The following TNFRSF10A variants were observed in gnomAD, a reference collection of about 807,000 sequenced individuals.
TNFRSF10A encodes TNF receptor superfamily member 10a, also known as tumor necrosis factor receptor superfamily member 10A.
In TNFRSF10A, 44 loss-of-function variants were observed where a neutral mutation model predicts 42.8. The ratio of observed to expected loss-of-function variants is 1.03; its 90% CI spans 0.81 to 1.32. TNFRSF10A has a LOEUF of 1.32. TNFRSF10A is among the 40% of genes most tolerant of loss of function. TNFRSF10A has a pLI of 0.00. For missense variants in TNFRSF10A, 680 were observed against 602.0 expected, an observed-to-expected ratio of 1.13 and a Z score of -1.36; for synonymous variants, 259 against 234.2, an observed-to-expected ratio of 1.11 and a Z score of -0.97.
rs376002634 is a variant in TNFRSF10A at position 23,192,030 on chromosome 8, A to C, written c.1088-17T>G. ...GCATCAGAGCTGGGTGGAGAAAGCC[A>C]CAGAGACAGCCAGATGAGTTGGGAC... is the stretch of plus-strand genomic sequence containing the variant. On this transcript the variant is annotated splice_polypyrimidine_tract_variant and intron_variant, in intron 9 of 9. Transcript: ENST00000221132. The C allele has an allele frequency of 1.2e-6, 2 of 1,603,932 alleles. No homozygotes were observed. Among genetic ancestry groups the C allele is most frequent in the Non-Finnish European group, 1.7e-6 (2 of 1,176,356 alleles).
chr8:23,199,964 A>G, intron 6 of TNFRSF10A, 47 bp from the exon 7 acceptor site: 1 of 1,611,200 alleles, frequency 6.2e-7, no homozygotes, highest in Non-Finnish European at 8.5e-7. Context: ...GGGCCCATGC[A>G]GCACTCCTTC....
At chr8:23,199,592 G>C in intron 7 of TNFRSF10A, 144 bp from the exon 8 acceptor site, 1 of 1,076,086 alleles carries the variant, frequency 9.3e-7, no homozygotes, top group Non-Finnish European at 1.3e-6. Context: ...AGGACCTGCT[G>C]CTGGGGCCAG....
chr8:23,197,768 T>G (rs762483592), intron 8 of TNFRSF10A, among the ~76,000 whole-genome samples: 32 of 152,168 alleles, frequency 2.1e-4, no homozygotes, highest in South Asian at 4.1e-4. Flanking sequence ...TGGGGACCAT[T>G]CGTTAATAAT....
intron 3 of TNFRSF10A, 46 bp from the exon 4 acceptor site, chr8:23,201,965 TC>T: frequency 6.4e-7 from 1 of 1,565,864 alleles, no homozygotes; most frequent in South Asian, 1.1e-5. Context: ...CCCTGACGTG[TC>T]CCTTGACCTT....
rs374699954 is a variant in TNFRSF10A, at chr8:23,224,969, C to T, written c.93G>A (p.Ala31=). 1.9e-6 allele frequency: 3 copies of T among 1,599,696 alleles called. No individual in the cohort carries two copies. In the African/African-American group the frequency reaches 4.0e-5, roughly 21 times the overall value. ...AGCCCCACACTTTGCTGGGTGTGGC[C>T]GCGGCTGCCTCTGTCCCACTCGCTG... The part of the protein sequence containing the change: ...GSAASGTEAA[A]ATPSKVWGSS... The change falls in exon 1 of 10, where the codon GCG becomes GCA. Residue 31 remains alanine, a synonymous_variant. Coordinates refer to ENST00000221132, the MANE Select transcript of TNFRSF10A (RefSeq NM_003844.4).
chr8:23,202,622 G>A, intron 3 of TNFRSF10A, 26 bp downstream of exon 3: 1 of 1,585,568 alleles, frequency 6.3e-7, no homozygotes, highest in South Asian at 1.1e-5. Context: ...CTCCACCTCT[G>A]GACAAGAGGT....
chr8:23,220,492 C>G (rs1053696617), intron 1 of TNFRSF10A, among the ~76,000 whole-genome samples: 1 of 152,252 alleles, frequency 6.6e-6, no homozygotes, highest in South Asian at 2.1e-4. Context: ...TCAGCTGTGA[C>G]TCTGCTGTGG....
At chr8:23,201,079 A>G (rs143380452) in intron 4 of TNFRSF10A, among the ~76,000 whole-genome samples, 135 of 152,256 alleles carry the variant, frequency 8.9e-4, no homozygotes, top group African/African-American at 2.9e-3. Flanking sequence ...CCAGGGGAAG[A>G]TCACAAGCCC....
At chr8:23,205,244 G>A (rs1014267725) in intron 2 of TNFRSF10A, among the ~76,000 whole-genome samples, 6 of 151,856 alleles carry the variant, frequency 4.0e-5, no homozygotes, top group African/African-American at 7.3e-5. Flanking sequence ...ATGACGTTTC[G>A]GTCAACAATG....
In TNFRSF10A at chr8:23,197,191, G is replaced by A; in HGVS notation, c.1028C>T (p.Ala343Val). 1 of 1,614,128 alleles carries A rather than the reference G, an allele frequency of 6.2e-7. No individual in the cohort carries two copies. The highest frequency in any genetic ancestry group is 8.5e-7 in the Non-Finnish European group (1 of 1,180,006). Residue 343 changes from alanine to valine, a missense_variant, in exon 9 of 10, where the codon GCT becomes GTT. By Grantham distance (64) the Ala-to-Val change is moderately conservative. Coordinates refer to ENST00000221132, the MANE Select transcript of TNFRSF10A (RefSeq NM_003844.4). ...CAGCCTCCTCCTCTGAGACCCTTCA[G>A]CTTCTGCCGGTCCCTGTAACACACA... The part of the protein sequence containing the change: ...EAQCLLGPAE[A>V]EGSQRRRLLV...
chr8:23,204,724 T>C (rs1304458653), intron 2 of TNFRSF10A, among the ~76,000 whole-genome samples: 1 of 151,992 alleles, frequency 6.6e-6, no homozygotes, highest in Admixed American at 6.6e-5. Context: ...CACAATGGAA[T>C]AAAATTAGAA....
At position 23,197,192 on chromosome 8, in the gene TNFRSF10A, C is replaced by T; in HGVS notation, c.1027G>A (p.Ala343Thr). ...AGCCTCCTCCTCTGAGACCCTTCAG[C>T]TTCTGCCGGTCCCTGTAACACACAG... ...EAQCLLGPAE[A>T]EGSQRRRLLV... is the part of the protein sequence containing the mutation. The change falls in exon 9 of 10, where the codon GCT becomes ACT. Residue 343 changes from alanine (A) to threonine (T), a missense_variant. Coordinates refer to ENST00000221132, the MANE Select transcript of TNFRSF10A (RefSeq NM_003844.4). The T allele has an allele frequency of 6.2e-7, 1 of 1,614,188 alleles. No individual in the cohort carries two copies.
intron 2 of TNFRSF10A, among the ~76,000 whole-genome samples, chr8:23,211,238 C>A (rs1344640423): frequency 6.6e-6 from 1 of 152,020 alleles, no homozygotes. Context: ...GTACAAAAAT[C>A]AATTATATTT....
At chr8:23,213,638 CAG>C (rs151071985) in intron 1 of TNFRSF10A, among the ~76,000 whole-genome samples, 3,252 of 151,980 alleles carry the variant, frequency 0.021, 103 homozygotes, top group African/African-American at 0.067. Flanking sequence ...TTATTAGAGA[CAG>C]AGTTTCACTG....
At chr8:23,209,904 CA>C (rs1271671484) in intron 2 of TNFRSF10A, among the ~76,000 whole-genome samples, 4 of 152,082 alleles carry the variant, frequency 2.6e-5, no homozygotes, top group Admixed American at 1.3e-4. Context: ...TGGGAGGGGC[CA>C]GGGGTGATAG....
chr8:23,220,313 G>T (rs1181357489), intron 1 of TNFRSF10A, among the ~76,000 whole-genome samples: 2 of 152,238 alleles, frequency 1.3e-5, no homozygotes, highest in African/African-American at 4.8e-5. Context: ...AAGATGTGCA[G>T]TCTCTGGCTG....
chr8:23,199,477 G>C lies in TNFRSF10A; in HGVS notation c.832-29C>G, dbSNP rs75080182. 3,380 of 1,600,082 alleles carry C rather than the reference G, an allele frequency of 2.1e-3. 119 individuals are homozygous for C. In the East Asian group the frequency reaches 0.063, roughly 30 times the overall value. ...AGGAAGGCAAAGAGCCAACTCAGAA[G>C]CCCACACCCAGGGCTCCCCACGGGG... On this transcript the variant is annotated intron_variant, in intron 7 of 9. Coordinates refer to ENST00000221132, the MANE Select transcript of TNFRSF10A (RefSeq NM_003844.4).
rs1801314058 is a variant in TNFRSF10A at position 23,224,810 on chromosome 8, AG to A, written c.251del (p.Pro84LeufsTer159). 1 of 1,567,284 alleles carries A rather than the reference AG, an allele frequency of 6.4e-7. No homozygotes were observed. The highest frequency in any genetic ancestry group is 8.6e-7 in the Non-Finnish European group (1 of 1,156,252). Reference sequence around the variant, plus strand: ...TGAAGGTCTTGTGGACCCGGAGCCGAGGGCTGGCTTCCCGCGCCGGCCTGGG... The same window carrying A: ...TGAAGGTCTTGTGGACCCGGAGCCGAGGCTGGCTTCCCGCGCCGGCCTGGG... ...PGPRPAREAS[P>X]RLRVHKTFKF... is the part of the protein sequence containing the mutation. On this transcript the variant is annotated frameshift_variant, in exon 1 of 10. Transcript: ENST00000221132. LOFTEE classifies it high-confidence loss of function.
chr8:23,197,916 C>G (rs1404045217), intron 8 of TNFRSF10A, among the ~76,000 whole-genome samples: 1 of 152,128 alleles, frequency 6.6e-6, no homozygotes, highest in Non-Finnish European at 1.5e-5. Flanking sequence ...TACTGAGTAC[C>G]TTTTGATAGT....
Sources: gnomAD v4.1 joint callset for allele counts (sites outside exome capture counted in the v4.1 genomes callset) on GRCh38, gnomAD v4.1.1 for gene constraint, MANE v1.5 for transcripts, NCBI Gene and HGNC (gene_info 2026-07-23, HGNC 2026-07-21) for gene names.